Variants in DDAH1 observed in about 807,000 individuals in gnomAD.
DDAH1 encodes the protein dimethylarginine dimethylaminohydrolase 1.
In DDAH1, 19 loss-of-function variants were observed where a neutral mutation model predicts 28.8. The observed-to-expected ratio is 0.66, with a 90% confidence interval of 0.46 to 0.97. The LOEUF is 0.97. Ranked by LOEUF, DDAH1 falls within the 50% of genes least tolerant of loss-of-function variation. The pLI, the probability that DDAH1 is intolerant of heterozygous loss-of-function variation, is 0.00. For synonymous variants in DDAH1, 153 were observed against 154.4 expected (o/e 0.99, Z 0.07); for missense variants, 326 against 375.9 (o/e 0.87, Z 1.10).
At chr1:85,508,382 C>G (rs1376287838) in intron 1 of DDAH1, among the ~76,000 whole-genome samples, 2 of 152,234 alleles carry the variant, frequency 1.3e-5, no homozygotes, top group African/African-American at 4.8e-5. Context: ...CAGCTCTGGT[C>G]TGCAGCTTCC....
At chr1:85,561,585 A>C (rs1057194917) in intron 1 of DDAH1, among the ~76,000 whole-genome samples, 1 of 152,104 alleles carries the variant, frequency 6.6e-6, no homozygotes, top group Non-Finnish European at 1.5e-5. Context: ...AATATTAAGA[A>C]TCTAGTGTAT....
rs369498602 is a variant in DDAH1 at position 85,345,839 on chromosome 1, T to A, written c.597+4576A>T. ...AAGATCAAGCCACTGCTCTCCAGCC[T>A]GGGCAACAGAGTGAGACTCCATCTT... On this transcript the variant is annotated intron_variant, in intron 4 of 5. Coordinates refer to ENST00000284031, the MANE Select transcript of DDAH1 (RefSeq NM_012137.4). Among the ~76,000 whole-genome samples, 15 of 152,352 alleles carry A rather than the reference T, an allele frequency of 9.8e-5. No individual in the cohort carries two copies. The East Asian group carries it at 1.9e-3, about 20-fold the overall frequency.
At position 85,396,732 on chromosome 1, in the gene DDAH1, C is replaced by A. The variant is rs149127823; in HGVS notation, c.304-37885G>T. Among the ~76,000 whole-genome samples the A allele has an allele frequency of 9.3e-4, 141 of 152,188 alleles. 1 individual carries two copies. The highest frequency in any genetic ancestry group is 3.4e-3 in the Middle Eastern group (1 of 292). On this transcript the variant is annotated intron_variant, in intron 1 of 5. Coordinates refer to ENST00000284031, the MANE Select transcript of DDAH1 (RefSeq NM_012137.4). ...TCTTTTCCTTACATTTGTATAGATACGATATTAAAATATTTATTCAGGCCA... is the reference window on the plus strand; with the variant it reads ...TCTTTTCCTTACATTTGTATAGATAAGATATTAAAATATTTATTCAGGCCA...
At chr1:85,497,308 T>G (rs990024242) in intron 1 of DDAH1, among the ~76,000 whole-genome samples, 2 of 152,190 alleles carry the variant, frequency 1.3e-5, no homozygotes, top group African/African-American at 4.8e-5. Context: ...TCTCTATTGG[T>G]ATATAACACA....
chr1:85,497,187 A>G (rs1656627530), intron 1 of DDAH1, among the ~76,000 whole-genome samples: 1 of 152,186 alleles, frequency 6.6e-6, no homozygotes, highest in Admixed American at 6.5e-5. Context: ...CCTGATGCAC[A>G]GTGATCACAA....
At chr1:85,423,626 T>C (rs1397898152) in intron 1 of DDAH1, among the ~76,000 whole-genome samples, 1 of 152,206 alleles carries the variant, frequency 6.6e-6, no homozygotes. Flanking sequence ...TCAACTTTTG[T>C]ATATTAACAT....
intron 1 of DDAH1, among the ~76,000 whole-genome samples, chr1:85,385,917 AGAGAGATGAAGGAG>A (rs1651234255): frequency 6.6e-6 from 1 of 152,140 alleles, no homozygotes; most frequent in Non-Finnish European, 1.5e-5. Flanking sequence ...TCACATGGTG[AGAGAGATGAAGGAG>A]GAGAGAGAGG....
chr1:85,547,953 TAAAATAAGTTGACAC>T (rs1658676002), intron 1 of DDAH1, among the ~76,000 whole-genome samples: 1 of 152,178 alleles, frequency 6.6e-6, no homozygotes, highest in Non-Finnish European at 1.5e-5. Context: ...TATTTGTAGA[TAAAATAAGTTGACAC>T]AGGCCATTCG....
At chr1:85,478,631 G>GA (rs1446406213) in intron 2 of DDAH1, among the ~76,000 whole-genome samples, 10 of 152,152 alleles carry the variant, frequency 6.6e-5, no homozygotes, top group Non-Finnish European at 1.2e-4. Flanking sequence ...GGGGATTATG[G>GA]GAACTAAAAT....
chr1:85,445,941 T>C (rs751574762), intron 1 of DDAH1, among the ~76,000 whole-genome samples: 36 of 152,190 alleles, frequency 2.4e-4, no homozygotes, highest in Non-Finnish European at 4.6e-4. Context: ...ATCCCAATAG[T>C]TAAATGCCAT....
At chr1:85,469,033 G>A (rs1036418586), upstream of DDAH1, among the ~76,000 whole-genome samples, 1 of 152,168 alleles carries the variant, frequency 6.6e-6, no homozygotes, top group African/African-American at 2.4e-5. Flanking sequence ...GAACAAGAAA[G>A]AACATACAGC....
chr1:85,540,141 T>A (rs1225146111), intron 1 of DDAH1, among the ~76,000 whole-genome samples: 3 of 148,730 alleles, frequency 2.0e-5, no homozygotes, highest in Admixed American at 6.7e-5. Flanking sequence ...GAGAAAAAAA[T>A]AATGTGAATC....
chr1:85,393,163 A>C (rs1269242104), intron 1 of DDAH1, among the ~76,000 whole-genome samples: 1 of 152,192 alleles, frequency 6.6e-6, no homozygotes, highest in Admixed American at 6.5e-5. Flanking sequence ...AACATCAACA[A>C]CTAATACTTA....
At position 85,319,280 on chromosome 1, in the gene DDAH1, G is replaced by C. The variant is rs1364318971; in HGVS notation, c.*2172C>G. The C allele has an allele frequency of 6.6e-6, 1 of 152,138 alleles. No homozygotes were observed. The highest frequency in any genetic ancestry group is 1.5e-5 in the Non-Finnish European group (1 of 68,042). The allele number at this position is 152,138 out of a possible 1,614,324, so 9.4% of individuals were successfully genotyped here. ...ACACAGAGTCTAAGTGATTTCTCCA[G>C]ACAAAAGAGAAGGAAAGACAGAAAG... On this transcript the variant is annotated 3_prime_UTR_variant, in exon 6 of 6. Coordinates refer to ENST00000284031, the MANE Select transcript of DDAH1 (RefSeq NM_012137.4).
intron 1 of DDAH1, among the ~76,000 whole-genome samples, chr1:85,387,705 C>A (rs1651349417): frequency 2.0e-5 from 3 of 152,132 alleles, no homozygotes; most frequent in Non-Finnish European, 4.4e-5. Flanking sequence ...GCTGCTTCCC[C>A]ATTTTCAGGT....
chr1:85,414,662 T>G (rs760148411), intron 1 of DDAH1, among the ~76,000 whole-genome samples: 9 of 152,214 alleles, frequency 5.9e-5, no homozygotes, highest in Non-Finnish European at 1.3e-4. Flanking sequence ...GAGATTCTCC[T>G]TTACCCACTA....
intron 1 of DDAH1, among the ~76,000 whole-genome samples, chr1:85,536,569 C>T (rs1658285381): frequency 6.6e-6 from 1 of 151,762 alleles, no homozygotes; most frequent in Admixed American, 6.6e-5. Context: ...ACAAACAAAG[C>T]AAAACAAACA....
intron 1 of DDAH1, among the ~76,000 whole-genome samples, chr1:85,359,938 A>G (rs1373258324): frequency 6.6e-6 from 1 of 152,236 alleles, no homozygotes; most frequent in East Asian, 1.9e-4. Flanking sequence ...CAGTAGCTCA[A>G]CAAAACAATT....
intron 2 of DDAH1, among the ~76,000 whole-genome samples, chr1:85,475,674 A>G (rs975940089): frequency 6.6e-5 from 10 of 152,300 alleles, no homozygotes; most frequent in African/African-American, 2.2e-4. Flanking sequence ...TGCCAGCACC[A>G]TTATAAAATT....
Sources: gnomAD v4.1 joint callset for allele counts (sites outside exome capture counted in the v4.1 genomes callset) on GRCh38, gnomAD v4.1.1 for gene constraint, MANE v1.5 for transcripts, NCBI Gene and HGNC (gene_info 2026-07-23, HGNC 2026-07-21) for gene names.